The following B4GALT1 variants were observed in gnomAD, a reference collection of about 807,000 sequenced individuals.
The protein encoded by B4GALT1 is beta-1,4-galactosyltransferase 1, also known as N-acetyllactosamine synthase.
A neutral mutation model predicts 34.9 loss-of-function variants in B4GALT1; 16 were observed. That is an observed-to-expected ratio of 0.46 (90% confidence interval 0.31 to 0.70). The LOEUF is 0.70. B4GALT1 is among the 30% of genes least tolerant of loss of function. The pLI is 0.05. For synonymous variants in B4GALT1, 221 were observed against 218.1 expected (o/e 1.01, Z -0.12); for missense variants, 445 against 530.5 (o/e 0.84, Z 1.58).
chr9:33,150,265 CAG>C (rs1491356111), intron 1 of B4GALT1, among the ~76,000 whole-genome samples: 1 of 145,070 alleles, frequency 6.9e-6, no homozygotes, highest in East Asian at 2.0e-4. Flanking sequence ...CACACACACA[CAG>C]AGCGAGAGAG....
Position 33,166,957 on chromosome 9 carries a change from C to A in B4GALT1, c.213G>T (p.Gly71=), listed in dbSNP as rs1435936870. The change falls in exon 1 of 6, where the codon GGG becomes GGT. Residue 71 remains glycine (G), a synonymous_variant. Transcript: ENST00000379731. ...CGGTCCGGAGCTCCCCGGAGGACTGCCCGATGGCGGCGGCACTGTTCGAGC... is the reference window on the plus strand; with the variant it reads ...CGGTCCGGAGCTCCCCGGAGGACTGACCGATGGCGGCGGCACTGTTCGAGC... The part of the protein sequence containing the change: ...QGGSNSAAAI[G]QSSGELRTGG... 2 of 1,577,790 alleles carry A rather than the reference C, an allele frequency of 1.3e-6. No individual in the cohort carries two copies. The highest frequency in any genetic ancestry group is 1.7e-6 in the Non-Finnish European group (2 of 1,168,988).
upstream of B4GALT1, chr9:33,167,418 T>C: frequency 2.7e-6 from 1 of 371,766 alleles, no homozygotes; most frequent in Non-Finnish European, 4.6e-6. Flanking sequence ...GGCGCGGGGT[T>C]TTCTGGACGA....
chr9:33,179,189 A>T, the B4GALT1 span: 1 of 152,258 alleles, frequency 6.6e-6, no homozygotes, highest in Non-Finnish European at 1.5e-5. Context: ...AAGGGACTGG[A>T]TATAGGGAGT....
chr9:33,177,074 T>C, the B4GALT1 span, among the ~76,000 whole-genome samples: 1 of 152,168 alleles, frequency 6.6e-6, no homozygotes, highest in African/African-American at 2.4e-5. Flanking sequence ...GGGCCCTCTA[T>C]AGTTTCTCAA....
intron 1 of B4GALT1, among the ~76,000 whole-genome samples, chr9:33,146,457 G>A (rs774482012): frequency 2.0e-5 from 3 of 152,188 alleles, no homozygotes; most frequent in Non-Finnish European, 2.9e-5. Context: ...CCTCCAGGCT[G>A]GGGCAGCCAC....
At chr9:33,173,591 GGTGTGTGTGTGT>G in the B4GALT1 span, among the ~76,000 whole-genome samples, 26 of 143,060 alleles carry the variant, frequency 1.8e-4, no homozygotes, top group Non-Finnish European at 2.6e-4. Context: ...AAATAAGAAT[GGTGTGTGTGTGT>G]GTGTGTGTGT....
At chr9:33,167,555 G>A (rs1349979222), upstream of B4GALT1, among the ~76,000 whole-genome samples, 1 of 152,236 alleles carries the variant, frequency 6.6e-6, no homozygotes, top group East Asian at 1.9e-4. Flanking sequence ...GCTTGGCCGC[G>A]CACCGCCCTC....
intron 5 of B4GALT1, 71 bp downstream of exon 5, chr9:33,113,703 G>A (rs1839898290): frequency 6.2e-7 from 1 of 1,607,022 alleles, no homozygotes; most frequent in Non-Finnish European, 8.5e-7. Context: ...TTCCCTCTAG[G>A]CCCAGAGCCT....
At chr9:33,114,090 T>C (rs1225068351) in intron 4 of B4GALT1, among the ~76,000 whole-genome samples, 2 of 152,234 alleles carry the variant, frequency 1.3e-5, no homozygotes, top group African/African-American at 4.8e-5. Flanking sequence ...CTGCGGTTTG[T>C]GGTGTTGACT....
chr9:33,114,393 G>A (rs1047215766), intron 4 of B4GALT1, among the ~76,000 whole-genome samples: 1 of 152,196 alleles, frequency 6.6e-6, no homozygotes, highest in African/African-American at 2.4e-5. Flanking sequence ...CTGGGGACTG[G>A]TGACAAGGGT....
rs114505533 is a variant in B4GALT1 at position 33,135,466 on chromosome 9, C to G, written c.413-42G>C. The G allele has an allele frequency of 4.6e-4, 716 of 1,562,494 alleles. 6 individuals are homozygous for G. The African/African-American group carries it at 9.2e-3, about 20-fold the overall frequency. On this transcript the variant is annotated intron_variant, in intron 1 of 5. Transcript: ENST00000379731. ...AGGGAGAAGTTAGCAGGCCACAGGA[C>G]TCGCCACCGCTCCACAGGCTGCATC...
chr9:33,138,548 A>G (rs985767290), intron 1 of B4GALT1, among the ~76,000 whole-genome samples: 2 of 152,186 alleles, frequency 1.3e-5, no homozygotes, highest in Admixed American at 1.3e-4. Context: ...AGAAGCCTTG[A>G]TCACCAAGCG....
chr9:33,130,322 A>G lies in B4GALT1; in HGVS notation c.648+4867T>C, dbSNP rs576155063. On this transcript the variant is annotated intron_variant, in intron 2 of 5. Coordinates refer to ENST00000379731, the MANE Select transcript of B4GALT1 (RefSeq NM_001497.4). ...GGGTTTGAGTATTAGGAAATGCAGC[A>G]TGCATCCCTGTTTGCTATGATGTCT... Among the ~76,000 whole-genome samples the G allele has an allele frequency of 8.5e-5, 13 of 152,200 alleles. No homozygotes were observed. In the South Asian group the frequency reaches 2.7e-3, roughly 32 times the overall value.
At chr9:33,164,970 A>ATTT (rs534464885) in intron 1 of B4GALT1, among the ~76,000 whole-genome samples, 1 of 107,576 alleles carries the variant, frequency 9.3e-6, no homozygotes. Context: ...GAGTGCCCGT[A>ATTT]TTTTTTTTTT....
chr9:33,126,663 A>AACATTGTTAAG (rs1554685864), intron 2 of B4GALT1, among the ~76,000 whole-genome samples: 1 of 151,394 alleles, frequency 6.6e-6, no homozygotes, highest in Non-Finnish European at 1.5e-5. Flanking sequence ...AACCATAGCA[A>AACATTGTTAAG]TATGGTAGCT....
the B4GALT1 span, among the ~76,000 whole-genome samples, chr9:33,172,560 C>A: frequency 6.6e-6 from 1 of 152,170 alleles, no homozygotes; most frequent in South Asian, 2.1e-4. Context: ...ATCCTGCAAA[C>A]TCAGGAATTT....
chr9:33,169,556 T>C (rs1258920045), upstream of B4GALT1, among the ~76,000 whole-genome samples: 1 of 151,756 alleles, frequency 6.6e-6, no homozygotes, highest in East Asian at 1.9e-4. Context: ...GTCTTGCTTT[T>C]GTCCCCCAGG....
chr9:33,143,271 C>T (rs1348588440), intron 1 of B4GALT1, among the ~76,000 whole-genome samples: 2 of 152,240 alleles, frequency 1.3e-5, no homozygotes, highest in Non-Finnish European at 2.9e-5. Context: ...CTCATCCATT[C>T]ATCTGTGCTC....
intron 1 of B4GALT1, among the ~76,000 whole-genome samples, chr9:33,136,525 G>C (rs1013168396): frequency 6.6e-6 from 1 of 152,176 alleles, no homozygotes; most frequent in African/African-American, 2.4e-5. Flanking sequence ...ATGTCTCGTG[G>C]TCAAATAAGA....
Sources: gnomAD v4.1 joint callset for allele counts (sites outside exome capture counted in the v4.1 genomes callset) on GRCh38, gnomAD v4.1.1 for gene constraint, MANE v1.5 for transcripts, NCBI Gene and HGNC (gene_info 2026-07-23, HGNC 2026-07-21) for gene names.